Variants in SHISA6 observed in about 807,000 individuals in gnomAD.
The protein encoded by SHISA6 is shisa family member 6.
A neutral mutation model predicts 47.9 loss-of-function variants in SHISA6; 22 were observed. That is an observed-to-expected ratio of 0.46 (90% confidence interval 0.33 to 0.66). The LOEUF (loss-of-function observed/expected upper bound fraction) is 0.66. Among genes scored for constraint, SHISA6 ranks in the 30% least tolerant of loss-of-function variants. The pLI is 0.02. For synonymous variants in SHISA6, 388 were observed against 337.8 expected, an observed-to-expected ratio of 1.15 and a Z score of -1.63; for missense variants, 680 against 764.6, an observed-to-expected ratio of 0.89 and a Z score of 1.30.
intron 2 of SHISA6, among the ~76,000 whole-genome samples, chr17:11,329,707 G>A (rs1911030165): frequency 6.6e-6 from 1 of 152,142 alleles, no homozygotes; most frequent in Non-Finnish European, 1.5e-5. Flanking sequence ...GCAAGAACCA[G>A]TTGGAGGGGA....
intron 2 of SHISA6, among the ~76,000 whole-genome samples, chr17:11,327,468 C>T (rs1214535086): frequency 1.3e-5 from 2 of 152,196 alleles, no homozygotes; most frequent in African/African-American, 2.4e-5. Context: ...AAAAGCATCT[C>T]TATCTACTTT....
chr17:11,273,780 A>G (rs1908771883), intron 2 of SHISA6, among the ~76,000 whole-genome samples: 1 of 152,194 alleles, frequency 6.6e-6, no homozygotes, highest in African/African-American at 2.4e-5. Flanking sequence ...TGACCTAGGC[A>G]GCCCAGTGTC....
intron 3 of SHISA6, among the ~76,000 whole-genome samples, chr17:11,536,561 G>A (rs2071790027): frequency 6.6e-6 from 1 of 152,166 alleles, no homozygotes; most frequent in South Asian, 2.1e-4. Context: ...GCCCATGGGT[G>A]GAGGTGAAAA....
chr17:11,386,760 G>C (rs1913208889), intron 3 of SHISA6, among the ~76,000 whole-genome samples: 1 of 152,194 alleles, frequency 6.6e-6, no homozygotes, highest in Non-Finnish European at 1.5e-5. Context: ...TGACAGATAG[G>C]CCACACGGCC....
intron 3 of SHISA6, among the ~76,000 whole-genome samples, chr17:11,428,102 A>G (rs939443371): frequency 6.6e-6 from 1 of 152,208 alleles, no homozygotes; most frequent in African/African-American, 2.4e-5. Context: ...ACACTAGACT[A>G]TGCCCATTTT....
intron 3 of SHISA6, among the ~76,000 whole-genome samples, chr17:11,393,247 A>G (rs903302111): frequency 3.9e-5 from 6 of 152,210 alleles, no homozygotes; most frequent in African/African-American, 1.4e-4. Flanking sequence ...CACTCTACAC[A>G]CTGCACACTA....
At chr17:11,479,305 T>C (rs1050410998) in intron 3 of SHISA6, among the ~76,000 whole-genome samples, 6 of 152,184 alleles carry the variant, frequency 3.9e-5, no homozygotes, top group East Asian at 3.8e-4. Context: ...TTCATGTCCT[T>C]TGTTAGGACA....
chr17:11,325,097 A>G (rs1910833635), intron 2 of SHISA6, among the ~76,000 whole-genome samples: 1 of 152,184 alleles, frequency 6.6e-6, no homozygotes, highest in African/African-American at 2.4e-5. Flanking sequence ...TCATTCTCAG[A>G]TGGCAGCCTT....
At chr17:11,483,799 A>T (rs1473172) in intron 3 of SHISA6, among the ~76,000 whole-genome samples, 97,477 of 151,990 alleles carry the variant, frequency 0.64, 32,341 homozygotes, top group African/African-American at 0.82. Context: ...CTATAAAAAA[A>T]TTAAAAATTT....
chr17:11,435,175 T>G (rs1056302807), intron 3 of SHISA6, among the ~76,000 whole-genome samples: 1 of 152,150 alleles, frequency 6.6e-6, no homozygotes, highest in African/African-American at 2.4e-5. Context: ...TAAGAATTTG[T>G]TAGAAGTTAA....
intron 2 of SHISA6, among the ~76,000 whole-genome samples, chr17:11,301,413 C>T (rs539163209): frequency 5.3e-5 from 8 of 152,232 alleles, no homozygotes; most frequent in Middle Eastern, 3.4e-3. Flanking sequence ...TTGGGGGCTC[C>T]GGGCTTTGCT....
intron 2 of SHISA6, among the ~76,000 whole-genome samples, chr17:11,309,217 A>G (rs1910235655): frequency 6.6e-6 from 1 of 152,186 alleles, no homozygotes; most frequent in Non-Finnish European, 1.5e-5. Flanking sequence ...CTTCTGCCTC[A>G]GCCTCCCAAG....
chr17:11,311,104 C>A (rs973313790), intron 2 of SHISA6, among the ~76,000 whole-genome samples: 7 of 54,548 alleles, frequency 1.3e-4, no homozygotes. Context: ...GAGACTCCAT[C>A]TCAAAAAAAA....
chr17:11,390,887 T>G (rs1913362934), intron 3 of SHISA6, among the ~76,000 whole-genome samples: 1 of 152,166 alleles, frequency 6.6e-6, no homozygotes, highest in South Asian at 2.1e-4. Flanking sequence ...TAAGACAGAT[T>G]CTGCCTGTGA....
intron 2 of SHISA6, among the ~76,000 whole-genome samples, chr17:11,350,166 A>ATTTT (rs1567581064): frequency 9.0e-6 from 1 of 110,914 alleles, no homozygotes; most frequent in Admixed American, 1.1e-4. Flanking sequence ...TAATTTATTT[A>ATTTT]TTTATTTATT....
intron 2 of SHISA6, among the ~76,000 whole-genome samples, chr17:11,283,051 A>T (rs971576216): frequency 6.6e-6 from 1 of 152,234 alleles, no homozygotes; most frequent in African/African-American, 2.4e-5. Context: ...CCAGACCTAG[A>T]TATTGTCCCA....
At chr17:11,477,943 G>A (rs1418547218) in intron 3 of SHISA6, among the ~76,000 whole-genome samples, 9 of 137,096 alleles carry the variant, frequency 6.6e-5, no homozygotes, top group Non-Finnish European at 1.4e-4. Flanking sequence ...CCAGTAATGG[G>A]ATGGCTGGGT....
intron 2 of SHISA6, among the ~76,000 whole-genome samples, chr17:11,370,488 C>T (rs1912600226): frequency 6.6e-6 from 1 of 152,186 alleles, no homozygotes; most frequent in Non-Finnish European, 1.5e-5. Flanking sequence ...TCCAAACCAA[C>T]AAAATGATGA....
intron 2 of SHISA6, among the ~76,000 whole-genome samples, chr17:11,277,452 T>G (rs922255860): frequency 1.3e-5 from 2 of 152,128 alleles, no homozygotes; most frequent in African/African-American, 4.8e-5. Context: ...TACAGGGATA[T>G]GTCTGCTTTG....
Sources: allele counts gnomAD v4.1 joint callset (sites outside exome capture counted in the v4.1 genomes callset), GRCh38; gene constraint gnomAD v4.1.1; transcripts MANE v1.5; gene names NCBI Gene and HGNC (gene_info 2026-07-23, HGNC 2026-07-21).